The following FOXP1 variants were observed in gnomAD, a reference collection of about 807,000 sequenced individuals.
FOXP1 encodes forkhead box protein P1.
FOXP1 carries 15 observed loss-of-function variants against 98.2 expected under a neutral mutation model. The observed-to-expected ratio is 0.15, with a 90% CI of 0.10 to 0.24. The LOEUF is 0.24. Ranked by LOEUF, FOXP1 falls within the 10% of genes least tolerant of loss-of-function variation. The probability of loss-of-function intolerance (pLI) is 1.00; values close to 1 mark genes in which losing one functional copy is unlikely to be tolerated. For missense variants in FOXP1, 633 were observed against 848.5 expected (o/e 0.75, Z 3.15); for synonymous variants, 371 against 314.5 (o/e 1.18, Z -1.90).
intron 2 of FOXP1, among the ~76,000 whole-genome samples, chr3:71,546,594 C>A (rs1474049916): frequency 1.3e-5 from 2 of 151,922 alleles, no homozygotes; most frequent in African/African-American, 4.8e-5. Context: ...TGGAAGTTAA[C>A]CTTCTAGCCT....
At chr3:71,037,637 G>C (rs996905159) in intron 11 of FOXP1, among the ~76,000 whole-genome samples, 2 of 152,150 alleles carry the variant, frequency 1.3e-5, no homozygotes, top group Non-Finnish European at 2.9e-5. Flanking sequence ...GACAACACAG[G>C]CATGTTTATT....
intron 7 of FOXP1, among the ~76,000 whole-genome samples, chr3:71,055,017 G>A (rs1344640015): frequency 6.6e-6 from 1 of 151,830 alleles, no homozygotes; most frequent in African/African-American, 2.4e-5. Context: ...GAAGATAAAA[G>A]AATTAAAAAA....
At chr3:71,175,750 C>T (rs2061904776) in intron 6 of FOXP1, among the ~76,000 whole-genome samples, 1 of 152,322 alleles carries the variant, frequency 6.6e-6, no homozygotes, top group South Asian at 2.1e-4. Context: ...GGGAAATGTA[C>T]ATAGTTTGAC....
intron 6 of FOXP1, among the ~76,000 whole-genome samples, chr3:71,194,290 C>T (rs1461294480): frequency 1.3e-5 from 2 of 148,940 alleles, no homozygotes; most frequent in African/African-American, 2.5e-5. Context: ...AAGAAAGAAA[C>T]CCCACAAAAA....
At chr3:71,133,613 G>C (rs1292164909) in intron 6 of FOXP1, among the ~76,000 whole-genome samples, 2 of 152,036 alleles carry the variant, frequency 1.3e-5, no homozygotes, top group African/African-American at 4.8e-5. Context: ...TAGACAGAAG[G>C]GCTGAGTTTA....
intron 6 of FOXP1, among the ~76,000 whole-genome samples, chr3:71,149,800 A>G (rs909218075): frequency 5.3e-5 from 8 of 152,042 alleles, no homozygotes; most frequent in African/African-American, 1.9e-4. Flanking sequence ...CTTCTCTTTC[A>G]TTCTCTCCTC....
At chr3:70,981,491 G>C (rs1377550010) in intron 14 of FOXP1, among the ~76,000 whole-genome samples, 2 of 152,198 alleles carry the variant, frequency 1.3e-5, no homozygotes, top group Non-Finnish European at 2.9e-5. Flanking sequence ...GACGCGGATG[G>C]AGGTGATCTA....
chr3:71,452,569 T>A (rs2087058200), intron 3 of FOXP1, among the ~76,000 whole-genome samples: 1 of 152,154 alleles, frequency 6.6e-6, no homozygotes, highest in Non-Finnish European at 1.5e-5. Flanking sequence ...CAAAGGAGGC[T>A]CTTGTTGTAT....
In FOXP1 at chr3:71,172,026, C is replaced by T. The variant is rs1018264115; in HGVS notation, c.180+26176G>A. Among the ~76,000 whole-genome samples the T allele has an allele frequency of 2.6e-5, 4 of 152,198 alleles. 1 individual carries two copies. The highest frequency in any genetic ancestry group is 2.6e-4 in the Admixed American group (4 of 15,280). On this transcript the variant is annotated intron_variant, in intron 6 of 20. Transcript: ENST00000649528. ...TCTCATTAACATTATTATACTAAGG[C>T]CAACAGCAAATATTCCTTTGATAAG...
intron 2 of FOXP1, among the ~76,000 whole-genome samples, chr3:71,532,733 A>G (rs536033746): frequency 8.3e-4 from 127 of 152,274 alleles, no homozygotes; most frequent in African/African-American, 2.9e-3. Context: ...AGCAAAGGGA[A>G]GCTGCTTCTT....
chr3:71,228,064 T>C (rs915358563), intron 5 of FOXP1, among the ~76,000 whole-genome samples: 2 of 152,024 alleles, frequency 1.3e-5, no homozygotes, highest in African/African-American at 4.8e-5. Context: ...CAGAAGCCCC[T>C]GTCAAATTAT....
intron 13 of FOXP1, among the ~76,000 whole-genome samples, chr3:70,999,699 C>T (rs1351475130): frequency 6.6e-6 from 1 of 150,898 alleles, no homozygotes; most frequent in Non-Finnish European, 1.5e-5. Context: ...AAAATCCTTT[C>T]TATCCTGAAA....
At chr3:71,260,059 C>T (rs566989466) in intron 5 of FOXP1, among the ~76,000 whole-genome samples, 1 of 152,230 alleles carries the variant, frequency 6.6e-6, no homozygotes, top group African/African-American at 2.4e-5. Flanking sequence ...TCTCGGCTCA[C>T]TGCAAGCTCC....
chr3:71,363,141 G>A (rs1186067055), intron 3 of FOXP1, among the ~76,000 whole-genome samples: 5 of 151,320 alleles, frequency 3.3e-5, no homozygotes, highest in Non-Finnish European at 5.9e-5. Context: ...AAAAAAAGGT[G>A]TGTTTAGATC....
chr3:71,251,122 C>T (rs2068154983), intron 5 of FOXP1, among the ~76,000 whole-genome samples: 1 of 152,184 alleles, frequency 6.6e-6, no homozygotes, highest in Non-Finnish European at 1.5e-5. Context: ...CAAGTGCACT[C>T]TTTAAGAAGC....
intron 14 of FOXP1, among the ~76,000 whole-genome samples, chr3:70,982,762 A>AGG (rs2039084093): frequency 1.3e-5 from 2 of 151,812 alleles, no homozygotes; most frequent in South Asian, 4.2e-4. Context: ...TTTAAAGATG[A>AGG]TGAGTCACTC....
At chr3:71,412,011 C>A (rs190680845) in intron 3 of FOXP1, among the ~76,000 whole-genome samples, 2 of 152,328 alleles carry the variant, frequency 1.3e-5, no homozygotes, top group Admixed American at 1.3e-4. Context: ...GTTGTTATTA[C>A]TATTAAAAGC....
chr3:71,212,554 C>T (rs1046984418), intron 5 of FOXP1, among the ~76,000 whole-genome samples: 1 of 152,172 alleles, frequency 6.6e-6, no homozygotes, highest in Admixed American at 6.5e-5. Flanking sequence ...CCCATCCAGG[C>T]CTGCCTTTTC....
chr3:71,385,189 T>G (rs947129684), intron 3 of FOXP1, among the ~76,000 whole-genome samples: 1 of 152,142 alleles, frequency 6.6e-6, no homozygotes. Flanking sequence ...ATGAATGGAT[T>G]TGCAAAGGAG....
Sources: allele counts gnomAD v4.1 joint callset (sites outside exome capture counted in the v4.1 genomes callset), GRCh38; gene constraint gnomAD v4.1.1; transcripts MANE v1.5; gene names NCBI Gene and HGNC (gene_info 2026-07-23, HGNC 2026-07-21).